SH3RF3: variants seen among roughly 807,000 people sequenced by gnomAD.
SH3RF3 encodes SH3 domain containing ring finger 3, also known as E3 ubiquitin-protein ligase SH3RF3.
A neutral mutation model predicts 66.3 loss-of-function variants in SH3RF3; 29 were observed. The ratio of observed to expected loss-of-function variants is 0.44; its 90% CI spans 0.33 to 0.60. SH3RF3 has a LOEUF of 0.60. Ranked by LOEUF, SH3RF3 falls within the 20% of genes least tolerant of loss-of-function variation. The pLI is 0.04. For synonymous variants in SH3RF3, 583 were observed against 532.0 expected (o/e 1.10, Z -1.32); for missense variants, 1,194 against 1,190.9 (o/e 1.00, Z -0.04).
At chr2:109,277,505 G>A (rs925563168) in intron 1 of SH3RF3, among the ~76,000 whole-genome samples, 13 of 152,166 alleles carry the variant, frequency 8.5e-5, no homozygotes, top group Admixed American at 1.3e-4. Flanking sequence ...CTGCATCTCC[G>A]AGCAGTCCGT....
At chr2:109,132,164 C>T (rs894507821) in intron 1 of SH3RF3, among the ~76,000 whole-genome samples, 5 of 152,030 alleles carry the variant, frequency 3.3e-5, no homozygotes, top group South Asian at 4.1e-4. Context: ...ACTAATATGC[C>T]ATGATAGCAG....
intron 1 of SH3RF3, among the ~76,000 whole-genome samples, chr2:109,186,110 G>A (rs1262550109): frequency 6.6e-6 from 1 of 152,234 alleles, no homozygotes; most frequent in African/African-American, 2.4e-5. Flanking sequence ...TCAGGAGAGG[G>A]CAGGCCCTGT....
chr2:109,163,493 G>A (rs919705279), intron 1 of SH3RF3, among the ~76,000 whole-genome samples: 1 of 128,944 alleles, frequency 7.8e-6, no homozygotes, highest in Non-Finnish European at 1.6e-5. Flanking sequence ...CCGCCTCCCG[G>A]GTTCACGCCA....
rs1225026212 is a variant in SH3RF3 at position 109,433,439 on chromosome 2, C to T, written c.1574+768C>T. Among the ~76,000 whole-genome samples, 4 of 152,198 alleles carry T rather than the reference C, an allele frequency of 2.6e-5. 1 individual carries two copies. The highest frequency in any genetic ancestry group is 1.9e-4 in the East Asian group (1 of 5,194). On this transcript the variant is annotated intron_variant, in intron 6 of 9. Transcript: ENST00000309415. ...ACAAGGGGGTTGTCTGGGAATTTTT[C>T]GCTGAGATGAGGATCCACAGCTTGG...
chr2:109,152,503 C>A (rs12614281), intron 1 of SH3RF3, among the ~76,000 whole-genome samples: 20,061 of 152,230 alleles, frequency 0.13, 2,560 homozygotes, highest in East Asian at 0.65. Flanking sequence ...GCATTCAGAG[C>A]GAAAGCTCAT....
intron 1 of SH3RF3, among the ~76,000 whole-genome samples, chr2:109,214,627 G>C (rs1679067164): frequency 6.6e-6 from 1 of 152,094 alleles, no homozygotes; most frequent in South Asian, 2.1e-4. Context: ...CATCTGAACA[G>C]CCCTGGAAGA....
At chr2:109,468,632 T>A (rs1162293510) in intron 8 of SH3RF3, among the ~76,000 whole-genome samples, 1 of 151,868 alleles carries the variant, frequency 6.6e-6, no homozygotes, top group Admixed American at 6.6e-5. Context: ...GGCAGGTGGA[T>A]CATTTGAGGT....
At chr2:109,259,443 C>T (rs890845526) in intron 1 of SH3RF3, among the ~76,000 whole-genome samples, 5 of 152,314 alleles carry the variant, frequency 3.3e-5, no homozygotes, top group African/African-American at 7.2e-5. Context: ...GGTTGTGTGA[C>T]GGTGGTGCAT....
intron 1 of SH3RF3, among the ~76,000 whole-genome samples, chr2:109,226,982 T>C (rs1679388641): frequency 6.6e-6 from 1 of 152,162 alleles, no homozygotes; most frequent in African/African-American, 2.4e-5. Flanking sequence ...CATCAGGACT[T>C]GGTCTCTTTC....
intron 1 of SH3RF3, among the ~76,000 whole-genome samples, chr2:109,198,808 G>T (rs1390897119): frequency 6.6e-6 from 1 of 152,190 alleles, no homozygotes; most frequent in Non-Finnish European, 1.5e-5. Flanking sequence ...ACATACCTAG[G>T]CTACGTGGCA....
intron 4 of SH3RF3, among the ~76,000 whole-genome samples, chr2:109,418,564 C>T (rs903854280): frequency 3.3e-5 from 5 of 152,156 alleles, no homozygotes; most frequent in Admixed American, 6.5e-5. Context: ...CTCCACATCC[C>T]GGTCCTCCTT....
intron 1 of SH3RF3, among the ~76,000 whole-genome samples, chr2:109,142,753 G>C (rs1278081755): frequency 6.6e-6 from 1 of 152,198 alleles, no homozygotes; most frequent in East Asian, 1.9e-4. Context: ...GGCTTCACCT[G>C]CCAAAGCATC....
At chr2:109,198,419 G>A (rs1336098254) in intron 1 of SH3RF3, among the ~76,000 whole-genome samples, 2 of 152,234 alleles carry the variant, frequency 1.3e-5, no homozygotes, top group Non-Finnish European at 2.9e-5. Flanking sequence ...GAGGGGCACA[G>A]TGGGCTACCT....
At chr2:109,404,371 C>T (rs543421015) in intron 4 of SH3RF3, among the ~76,000 whole-genome samples, 2 of 152,126 alleles carry the variant, frequency 1.3e-5, no homozygotes, top group Admixed American at 6.5e-5. Flanking sequence ...AGTGGGGTGC[C>T]GATGCAGAAC....
intron 1 of SH3RF3, among the ~76,000 whole-genome samples, chr2:109,262,485 ACT>A (rs1680379379): frequency 6.6e-6 from 1 of 151,926 alleles, no homozygotes; most frequent in Admixed American, 6.5e-5. Context: ...CGGAGGCCCC[ACT>A]CTCTGCAGCC....
intron 1 of SH3RF3, among the ~76,000 whole-genome samples, chr2:109,181,927 C>T (rs4676073): frequency 0.82 from 124,601 of 152,126 alleles, 51,159 homozygotes; most frequent in East Asian, 0.89. Flanking sequence ...AGTTATATTG[C>T]CATGGCTGTA....
At chr2:109,392,836 G>A (rs930808483) in intron 3 of SH3RF3, among the ~76,000 whole-genome samples, 2 of 152,160 alleles carry the variant, frequency 1.3e-5, no homozygotes, top group African/African-American at 4.8e-5. Context: ...TACTAGCTTA[G>A]TCACTGGCAA....
At chr2:109,303,910 C>G (rs1041736741) in intron 1 of SH3RF3, among the ~76,000 whole-genome samples, 2 of 151,900 alleles carry the variant, frequency 1.3e-5, no homozygotes, top group African/African-American at 2.4e-5. Context: ...GGTAAGAATC[C>G]TTACTATAAG....
At chr2:109,482,438 G>A (rs536189446) in intron 8 of SH3RF3, among the ~76,000 whole-genome samples, 1 of 152,158 alleles carries the variant, frequency 6.6e-6, no homozygotes, top group African/African-American at 2.4e-5. Flanking sequence ...GCAGCATCAC[G>A]CACTTCCCGC....
Sources: gnomAD v4.1 joint callset for allele counts (sites outside exome capture counted in the v4.1 genomes callset) on GRCh38, gnomAD v4.1.1 for gene constraint, MANE v1.5 for transcripts, NCBI Gene and HGNC (gene_info 2026-07-23, HGNC 2026-07-21) for gene names.